Variants in CFAP46 observed in about 807,000 individuals in gnomAD.
The protein encoded by CFAP46 is cilia- and flagella-associated protein 46.
CFAP46 carries 245 observed loss-of-function variants against 325.7 expected under a neutral mutation model. That is an observed-to-expected ratio of 0.75 (90% CI 0.68 to 0.84). CFAP46 has a LOEUF of 0.84. Among genes scored for constraint, CFAP46 ranks in the 40% least tolerant of loss-of-function variants. CFAP46 has a pLI of 0.00. For missense variants in CFAP46, 3,346 were observed against 3,543.0 expected (o/e 0.94, Z 1.41); for synonymous variants, 1,523 against 1,495.9 (o/e 1.02, Z -0.42).
intron 38 of CFAP46, 110 bp from the exon 39 acceptor site, chr10:132,857,898 T>C: frequency 1.0e-6 from 1 of 991,592 alleles, no homozygotes; most frequent in Non-Finnish European, 1.4e-6. Context: ...AAAATGATGT[T>C]TTAAAATAGC....
intron 26 of CFAP46, 78 bp downstream of exon 26, chr10:132,885,743 T>TGGGGAGCACTCATAGGCGGTGA: frequency 7.9e-7 from 1 of 1,261,536 alleles, no homozygotes; most frequent in Admixed American, 2.7e-5. Flanking sequence ...ACAGGCGGTG[T>TGGGGAGCACTCATAGGCGGTGA]GGGGAGCACT....
chr10:132,934,940 G>A (rs1213872027), intron 7 of CFAP46, 78 bp from the exon 8 acceptor site: 1 of 928,372 alleles, frequency 1.1e-6, no homozygotes, highest in Non-Finnish European at 1.7e-6. Context: ...AACTCTGCGT[G>A]TATGAAATTG....
intron 8 of CFAP46, among the ~76,000 whole-genome samples, chr10:132,931,006 T>C (rs1849890415): frequency 9.3e-6 from 1 of 107,718 alleles, no homozygotes; most frequent in African/African-American, 3.7e-5. Context: ...AGCCTGGGCC[T>C]TCCTCCTCCA....
intron 45 of CFAP46, 104 bp from the exon 46 acceptor site, chr10:132,836,322 C>T (rs1054358651): frequency 1.4e-5 from 15 of 1,058,280 alleles, no homozygotes; most frequent in Non-Finnish European, 2.0e-5. Context: ...GCCAACTCTG[C>T]AGACCATGGA....
chr10:132,917,264 C>CA (rs1849654870), intron 16 of CFAP46, among the ~76,000 whole-genome samples: 2 of 152,364 alleles, frequency 1.3e-5, no homozygotes, highest in South Asian at 4.1e-4. Flanking sequence ...GGCTGATGGC[C>CA]ACGCACCCAC....
intron 50 of CFAP46, among the ~76,000 whole-genome samples, chr10:132,818,865 A>AG (rs1430438416): frequency 6.6e-6 from 1 of 152,008 alleles, no homozygotes; most frequent in East Asian, 1.9e-4. Flanking sequence ...AGAAAAAAAA[A>AG]AAAAGAAAAA....
intron 47 of CFAP46, 66 bp downstream of exon 47, chr10:132,835,238 T>C: frequency 1.3e-6 from 2 of 1,583,676 alleles, no homozygotes; most frequent in Middle Eastern, 2.1e-4. Flanking sequence ...CTCGCCAGGG[T>C]CCTGGCTCCC....
Position 132,941,663 on chromosome 10 carries a change from G to C in CFAP46, c.234C>G (p.Pro78=). The change falls in exon 3 of 58, where the codon CCC becomes CCG. Residue 78 remains proline, a synonymous_variant. Coordinates refer to ENST00000368586, the MANE Select transcript of CFAP46 (RefSeq NM_001200049.3). ...GCGCTCGGCCCAGAAACTGGGTGAT[G>C]GGCGCCTTCACCTTGAAGTACATTT... The part of the protein sequence containing the change: ...CIQMYFKVKA[P]ITQFLGRAHL... 1 of 1,614,034 alleles carries C rather than the reference G, an allele frequency of 6.2e-7. No homozygotes were observed. Among genetic ancestry groups the C allele is most frequent in the Non-Finnish European group, 8.5e-7 (1 of 1,180,028 alleles).
rs1026669039 is a variant in CFAP46, at chr10:132,817,952, G to A, written c.7118-3038C>T. The stretch of plus-strand genomic sequence containing the variant: ...GCCACGCCCTCCATCCTCACCGTCG[G>A]CAGCGCAGCCCCCAGGCTCCTTCTC... On this transcript the variant is annotated intron_variant, in intron 50 of 57. Coordinates refer to ENST00000368586, the MANE Select transcript of CFAP46 (RefSeq NM_001200049.3). The surrounding 1 kb of genome is among the most constrained non-coding windows in gnomAD (Gnocchi z 4.4). Among the ~76,000 whole-genome samples, 1 of 152,200 alleles carries A rather than the reference G, an allele frequency of 6.6e-6. No individual in the cohort carries two copies. The highest frequency in any genetic ancestry group is 2.4e-5 in the African/African-American group (1 of 41,458).
intron 55 of CFAP46, among the ~76,000 whole-genome samples, chr10:132,811,913 C>G (rs1847588727): frequency 6.6e-6 from 1 of 152,204 alleles, no homozygotes; most frequent in Non-Finnish European, 1.5e-5. Flanking sequence ...CAACAGGGCC[C>G]ACACCCCTCA....
chr10:132,866,051 G>A lies in CFAP46; in HGVS notation c.4864C>T (p.Leu1622=). 6.6e-7 allele frequency: 1 copy of A among 1,526,190 alleles called. No individual in the cohort carries two copies. The highest frequency in any genetic ancestry group is 1.2e-5 in the South Asian group (1 of 80,076). The allele number at this position is 1,526,190 out of a possible 1,614,324, so 94.5% of individuals were successfully genotyped here. A position where few individuals can be genotyped will look rare whatever the true frequency, so the allele number is the denominator to read the frequency against. The change falls in exon 35 of 58, where the codon CTG becomes TTG. Residue 1622 remains leucine (L), a synonymous_variant. Coordinates refer to ENST00000368586, the MANE Select transcript of CFAP46 (RefSeq NM_001200049.3). ...MNLYQPARLL[L]SEAYLAFQEL... Reference sequence around the variant, plus strand: ...TGGAAAGCCAGGTAAGCCTCCGACAGGAGCAGCCGTGCAGGCTGGTACAGG... The same window carrying A: ...TGGAAAGCCAGGTAAGCCTCCGACAAGAGCAGCCGTGCAGGCTGGTACAGG...
In CFAP46 at chr10:132,850,239, C is replaced by T; in HGVS notation, c.5952+5G>A. On this transcript the variant is annotated splice_donor_5th_base_variant and intron_variant, in intron 41 of 57. Coordinates refer to ENST00000368586, the MANE Select transcript of CFAP46 (RefSeq NM_001200049.3). ...CAGACTTGGGATAGAAGCAGGAGCA[C>T]CTACCGAGGGGCCCGCCTCCCAGTA... 1.3e-6 allele frequency: 2 copies of T among 1,550,474 alleles called. No individual in the cohort carries two copies. The highest frequency in any genetic ancestry group is 1.7e-6 in the Non-Finnish European group (2 of 1,146,824).
chr10:132,899,097 G>GC lies in CFAP46; in HGVS notation c.3080dup (p.Ser1027ArgfsTer78). The stretch of plus-strand genomic sequence containing the variant: ...GCCGCGCGGCCAGCATCACCAGGGC[G>GC]CTGCTGCCCGCGATGCCTCCGAACC... On this transcript the variant is annotated frameshift_variant, in exon 24 of 58. Coordinates refer to ENST00000368586, the MANE Select transcript of CFAP46 (RefSeq NM_001200049.3). LOFTEE classifies it high-confidence loss of function. 6.5e-7 allele frequency: 1 copy of GC among 1,549,814 alleles called. No homozygotes were observed. Among genetic ancestry groups the GC allele is most frequent in the East Asian group, 2.4e-5 (1 of 40,902 alleles).
chr10:132,863,322 G>A (rs1264818851), intron 35 of CFAP46, among the ~76,000 whole-genome samples: 2 of 152,126 alleles, frequency 1.3e-5, no homozygotes, highest in African/African-American at 4.8e-5. Flanking sequence ...GCTCCCAGGA[G>A]CTCTTCCACA....
intron 25 of CFAP46, among the ~76,000 whole-genome samples, chr10:132,888,946 G>A (rs1013237301): frequency 7.3e-5 from 11 of 151,104 alleles, no homozygotes; most frequent in South Asian, 2.1e-4. Context: ...TGCTGCTTGC[G>A]GGTCTCTGGG....
In CFAP46 at chr10:132,846,093, G is replaced by A. The variant is rs750033424; in HGVS notation, c.6402C>T (p.Gly2134=). 1.1e-5 allele frequency: 17 copies of A among 1,602,240 alleles called. No homozygotes were observed. Among genetic ancestry groups the A allele is most frequent in the East Asian group, 2.2e-5 (1 of 44,674 alleles). ...CGGCCAGCCTCTGCTCCACACGGGC[G>A]CCCAGGCTGGTGGTGGTCCTGTCTT... is the stretch of plus-strand genomic sequence containing the variant. ...RCQDRTTTSL[G]ARVEQRLAAV... is the part of the protein sequence containing the mutation. The change falls in exon 44 of 58, where the codon GGC becomes GGT. Residue 2134 remains glycine, a synonymous_variant. Coordinates refer to ENST00000368586, the MANE Select transcript of CFAP46 (RefSeq NM_001200049.3).
intron 23 of CFAP46, among the ~76,000 whole-genome samples, 181 bp from the exon 24 acceptor site, chr10:132,899,302 A>C (rs1849361429): frequency 6.6e-6 from 1 of 152,114 alleles, no homozygotes; most frequent in Non-Finnish European, 1.5e-5. Flanking sequence ...GGGCAGCACG[A>C]GGTCAGACCC....
At chr10:132,856,956 T>C (rs1848650800) in intron 39 of CFAP46, among the ~76,000 whole-genome samples, 1 of 152,228 alleles carries the variant, frequency 6.6e-6, no homozygotes, top group Non-Finnish European at 1.5e-5. Context: ...TCAGGTCTGC[T>C]TTCTAGGGTC....
At chr10:132,926,792 GAC>G in intron 9 of CFAP46, 126 bp from the exon 10 acceptor site, 1 of 715,046 alleles carries the variant, frequency 1.4e-6, no homozygotes, top group Non-Finnish European at 2.5e-6. Context: ...GTCACACGAT[GAC>G]ACAAAGACAC....
Sources: gnomAD v4.1 joint callset for allele counts (sites outside exome capture counted in the v4.1 genomes callset) on GRCh38, gnomAD v4.1.1 for gene constraint, Gnocchi (gnomAD v3.1) non-coding constraint, MANE v1.5 for transcripts, NCBI Gene and HGNC (gene_info 2026-07-23, HGNC 2026-07-21) for gene names.